The following NEB variants were observed in gnomAD, a reference collection of about 807,000 sequenced individuals.
NEB encodes the protein nebulin.
A neutral mutation model predicts 952.2 loss-of-function variants in NEB; 512 were observed. That is an observed-to-expected ratio of 0.54 (90% CI 0.50 to 0.58). The LOEUF (loss-of-function observed/expected upper bound fraction) is 0.58, where lower values mean the gene tolerates loss of function less well. Among genes scored for constraint, NEB ranks in the 20% least tolerant of loss-of-function variants. NEB has a pLI of 0.00. For synonymous variants in NEB, 2,900 were observed against 3,149.8 expected (o/e 0.92, Z 2.66); for missense variants, 8,428 against 9,231.1 (o/e 0.91, Z 3.56).
At position 151,640,663 on chromosome 2, in the gene NEB, T is replaced by C. The variant is rs747246143; in HGVS notation, c.8377A>G (p.Lys2793Glu). Residue 2793 changes from lysine (K) to glutamate (E), a missense_variant, in exon 61 of 182, where the codon AAG becomes GAG. Lys to Glu is a moderately conservative substitution (Grantham distance 56, BLOSUM62 1). Around this residue, in one of 11 missense-constraint regions of NEB, gnomAD observed 1,772 missense variants for 1,960.3 expected, o/e 0.90. Coordinates refer to ENST00000397345, the MANE Select transcript of NEB (RefSeq NM_001164508.2). ...KASRDIASEF[K>E]YKEGYRKQLG... ...TGCTTACGATAGCCTTCTTTGTACT[T>C]GAACTAAAAGAAGAAAAAGACAGAT... 5 of 1,607,142 alleles carry C rather than the reference T, an allele frequency of 3.1e-6. No individual in the cohort carries two copies. The East Asian group carries it at 1.1e-4, about 36-fold the overall frequency.
At chr2:151,577,160 T>C (rs1221404642) in intron 105 of NEB, among the ~76,000 whole-genome samples, 2 of 152,214 alleles carry the variant, frequency 1.3e-5, no homozygotes, top group African/African-American at 4.8e-5. Flanking sequence ...TCAAATCCGA[T>C]GTCACAACAT....
rs1230907377 is a variant in NEB at position 151,640,240 on chromosome 2, A to C, written c.8685+115T>G. On this transcript the variant is annotated intron_variant, in intron 61 of 181. Coordinates refer to ENST00000397345, the MANE Select transcript of NEB (RefSeq NM_001164508.2). ...GATTAAAATTCCTGTCGATAAAGGC[A>C]ATGCTATTTGCCTCCTCCAGGGGCT... 4.0e-6 allele frequency: 6 copies of C among 1,503,860 alleles called. 1 individual carries two copies. The highest frequency in any genetic ancestry group is 2.7e-6 in the Non-Finnish European group (3 of 1,109,168). 93.2% of individuals were successfully genotyped at this position (1,503,860 alleles called of 1,614,324 possible).
intron 137 of NEB, 109 bp from the exon 138 acceptor site, chr2:151,540,557 G>A: frequency 9.0e-7 from 1 of 1,108,994 alleles, no homozygotes. Context: ...CACTTTAAGA[G>A]AATAGCTCTG....
At chr2:151,674,218 A>G in intron 36 of NEB, among the ~76,000 whole-genome samples, 1 of 152,150 alleles carries the variant, frequency 6.6e-6, no homozygotes, top group South Asian at 2.1e-4. Context: ...TGTCAGGGAA[A>G]TGTGTCAGTG....
intron 13 of NEB, among the ~76,000 whole-genome samples, chr2:151,706,428 G>T (rs902661894): frequency 6.6e-6 from 1 of 152,100 alleles, no homozygotes; most frequent in African/African-American, 2.4e-5. Context: ...GCTTAGTCGG[G>T]CTCTTAATAA....
intron 42 of NEB, 96 bp from the exon 43 acceptor site, chr2:151,664,959 G>A (rs1575562828): frequency 1.2e-6 from 1 of 844,950 alleles, no homozygotes; most frequent in Non-Finnish European, 1.8e-6. Context: ...GGTAAAAGAG[G>A]TTAAATGGAT....
At chr2:151,583,990 C>G (rs543874057) in intron 100 of NEB, among the ~76,000 whole-genome samples, 2,323 of 115,538 alleles carry the variant, frequency 0.02, 431 homozygotes, top group South Asian at 0.051. Flanking sequence ...GTATGGTGAA[C>G]AAGAGTAATG....
chr2:151,731,913 T>G (rs1221103995), intron 3 of NEB, among the ~76,000 whole-genome samples: 1 of 152,174 alleles, frequency 6.6e-6, no homozygotes, highest in Non-Finnish European at 1.5e-5. Context: ...AAAGATGTGG[T>G]ATCAGCATTT....
chr2:151,665,578 C>A, intron 41 of NEB, 39 bp from the exon 42 acceptor site: 1 of 1,483,836 alleles, frequency 6.7e-7, no homozygotes, highest in South Asian at 1.3e-5. Flanking sequence ...CAGAAAGAGT[C>A]AGGGCTTGTG....
chr2:151,563,666 T>G lies in NEB; in HGVS notation c.18633A>C (p.Lys6211Asn). 6.2e-7 allele frequency: 1 copy of G among 1,613,856 alleles called. No individual in the cohort carries two copies. The highest frequency in any genetic ancestry group is 8.5e-7 in the Non-Finnish European group (1 of 1,179,758). ...CCACACCAGGGAATTCACCGATCAC[T>G]TTTCCAGCCAGGTAGTGACCTTTCT... ...EKQKGHYLAG[K>N]VIGEFPGVVH... Residue 6211 changes from lysine to asparagine, a missense_variant, in exon 119 of 182, where the codon AAA becomes AAC. Physicochemically the swap from Lys to Asn is moderately conservative, Grantham distance 94. Coordinates refer to ENST00000397345, the MANE Select transcript of NEB (RefSeq NM_001164508.2).
In NEB at chr2:151,656,302, G is replaced by C; in HGVS notation, c.6346C>G (p.Pro2116Ala). ...YENTKTSYHTPADMLSVTAAK... is the reference protein window; with the variant it reads ...YENTKTSYHTAADMLSVTAAK... The stretch of plus-strand genomic sequence containing the variant: ...GCCGTGACACTGAGCATGTCGGCAG[G>C]GGTGTGGTAGCTGGTCTTTGTGTTC... Residue 2116 changes from proline (P) to alanine (A), a missense_variant, in exon 49 of 182, where the codon CCT becomes GCT. Coordinates refer to ENST00000397345, the MANE Select transcript of NEB (RefSeq NM_001164508.2). The C allele has an allele frequency of 6.2e-7, 1 of 1,613,704 alleles. No homozygotes were observed.
At chr2:151,594,506 G>C (rs1281466610) in intron 92 of NEB, among the ~76,000 whole-genome samples, 188 bp from the exon 93 acceptor site, 1 of 151,210 alleles carries the variant, frequency 6.6e-6, no homozygotes, top group South Asian at 2.1e-4. Context: ...TTTCAGAGAG[G>C]ACATGAGTAA....
At chr2:151,549,017 A>G (rs183069769) in intron 130 of NEB, among the ~76,000 whole-genome samples, 4 of 152,230 alleles carry the variant, frequency 2.6e-5, no homozygotes, top group Admixed American at 2.6e-4. Flanking sequence ...AGCCTTCCCC[A>G]TGGGGTAAAT....
chr2:151,672,299 T>C (rs2099310912), intron 37 of NEB, 70 bp downstream of exon 37: 3 of 1,372,686 alleles, frequency 2.2e-6, no homozygotes, highest in Admixed American at 4.8e-5. Context: ...TAGTATGAAG[T>C]CTAATAAAAG....
chr2:151,641,851 A>G, intron 60 of NEB, among the ~76,000 whole-genome samples: 1 of 152,230 alleles, frequency 6.6e-6, no homozygotes, highest in East Asian at 1.9e-4. Context: ...TCTAGGGTAC[A>G]TGTGCACAAC....
intron 3 of NEB, among the ~76,000 whole-genome samples, chr2:151,729,919 G>A (rs966392694): frequency 6.6e-6 from 1 of 152,168 alleles, no homozygotes; most frequent in African/African-American, 2.4e-5. Context: ...TTTTAATCAA[G>A]AGAAGCTATT....
Position 151,727,689 on chromosome 2 carries a change from A to G in NEB, c.294+2T>C, listed in dbSNP as rs773952935. On this transcript the variant is annotated splice_donor_variant, in intron 5 of 181. Transcript: ENST00000397345. LOFTEE classifies it high-confidence loss of function. ...GGTTAGCAGAAGTTGTTTGAAACTT[A>G]CTGGGCTAAAAAGATCCTGCATTTT... is the stretch of plus-strand genomic sequence containing the variant. 6.8e-6 allele frequency: 11 copies of G among 1,609,464 alleles called. No individual in the cohort carries two copies. In the Admixed American group the frequency reaches 1.8e-4, roughly 27 times the overall value.
intron 63 of NEB, 117 bp from the exon 64 acceptor site, chr2:151,636,451 A>G: frequency 6.1e-6 from 5 of 823,280 alleles, no homozygotes; most frequent in East Asian, 2.9e-5. Flanking sequence ...TTCTTTTGAG[A>G]GTTCTAAGCC....
chr2:151,687,801 A>G lies in NEB; in HGVS notation c.2416-68T>C, dbSNP rs555054057. ...TGTAATCCAGTAAAAAAATAAAAAC[A>G]TATTGAAAATTTGTGTATGTATAGA... On this transcript the variant is annotated intron_variant, in intron 25 of 181. Coordinates refer to ENST00000397345, the MANE Select transcript of NEB (RefSeq NM_001164508.2). 97 of 1,420,424 alleles carry G rather than the reference A, an allele frequency of 6.8e-5. No homozygotes were observed. The African/African-American group carries it at 1.1e-3, about 17-fold the overall frequency. The allele number at this position is 1,420,424 out of a possible 1,614,324, so 88.0% of individuals were successfully genotyped here.
Sources: allele counts gnomAD v4.1 joint callset (sites outside exome capture counted in the v4.1 genomes callset), GRCh38; gene constraint gnomAD v4.1.1; regional missense constraint gnomAD v4.1.1; transcripts MANE v1.5; gene names NCBI Gene and HGNC (gene_info 2026-07-23, HGNC 2026-07-21).